The following RANBP2 variants were observed in gnomAD, a reference collection of about 807,000 sequenced individuals.
RANBP2 encodes the protein E3 SUMO-protein ligase RanBP2.
RANBP2 carries 57 observed loss-of-function variants against 303.6 expected under a neutral mutation model. The observed-to-expected ratio is 0.19, with a 90% confidence interval of 0.15 to 0.23. The LOEUF is 0.23. Ranked by LOEUF, RANBP2 falls within the 10% of genes least tolerant of loss-of-function variation. The pLI is 1.00. For missense variants in RANBP2, 3,138 were observed against 3,780.8 expected (o/e 0.83, Z 4.46); for synonymous variants, 1,167 against 1,301.5 (o/e 0.90, Z 2.23).
chr2:109,489,808 G>A, the RANBP2 span, among the ~76,000 whole-genome samples: 1 of 152,182 alleles, frequency 6.6e-6, no homozygotes, highest in African/African-American at 2.4e-5. Context: ...CGCAATCTCA[G>A]CTCACTGCAA....
At chr2:108,970,143 A>G in the RANBP2 span, among the ~76,000 whole-genome samples, 1 of 152,170 alleles carries the variant, frequency 6.6e-6, no homozygotes. Flanking sequence ...TGAGCTTTGC[A>G]CTGAGAGGGG....
the RANBP2 span, among the ~76,000 whole-genome samples, chr2:109,772,860 G>GT: frequency 7.0e-6 from 1 of 143,162 alleles, no homozygotes; most frequent in African/African-American, 2.7e-5. Context: ...GTAGAGAGCT[G>GT]TTGGGGGCAT....
the RANBP2 span, among the ~76,000 whole-genome samples, chr2:109,178,060 G>C: frequency 6.6e-6 from 1 of 152,072 alleles, no homozygotes; most frequent in South Asian, 2.1e-4. Flanking sequence ...TAAGGTATAA[G>C]CAAACAAACA....
At chr2:108,877,102 T>C in the RANBP2 span, among the ~76,000 whole-genome samples, 1 of 152,212 alleles carries the variant, frequency 6.6e-6, no homozygotes, top group Non-Finnish European at 1.5e-5. Flanking sequence ...AAATGTGCCA[T>C]TTTTGAAGTA....
chr2:109,375,881 T>C, the RANBP2 span, among the ~76,000 whole-genome samples: 1 of 152,214 alleles, frequency 6.6e-6, no homozygotes, highest in African/African-American at 2.4e-5. Flanking sequence ...TTCAGGGCGA[T>C]GCGGGCTTCA....
At chr2:109,697,894 CTG>C in the RANBP2 span, among the ~76,000 whole-genome samples, 1 of 143,454 alleles carries the variant, frequency 7.0e-6, no homozygotes, top group Admixed American at 7.1e-5. Flanking sequence ...GACTCTCACT[CTG>C]TCATCCGGGC....
chr2:108,726,438 GTTT>G (rs1302706279), intron 1 of RANBP2, among the ~76,000 whole-genome samples: 1 of 124,278 alleles, frequency 8.0e-6, no homozygotes, highest in African/African-American at 3.0e-5. Context: ...GAGTTTTTTT[GTTT>G]TTTTTTTTTT....
chr2:109,323,868 T>G, the RANBP2 span, among the ~76,000 whole-genome samples: 6,021 of 152,334 alleles, frequency 0.04, 135 homozygotes, highest in Non-Finnish European at 0.061. Flanking sequence ...AAGTAATTTG[T>G]AGTATAGTGA....
intron 8 of RANBP2, 129 bp downstream of exon 8, chr2:108,746,927 T>G (rs1558895917): frequency 2.5e-6 from 3 of 1,176,972 alleles, no homozygotes; most frequent in East Asian, 2.6e-5. Flanking sequence ...CCGTATCAGT[T>G]AAGAGCAATA....
At chr2:109,387,636 A>G in the RANBP2 span, among the ~76,000 whole-genome samples, 1 of 151,890 alleles carries the variant, frequency 6.6e-6, no homozygotes, top group East Asian at 1.9e-4. Context: ...CCCCTATTTA[A>G]CCTGCAGCCC....
chr2:109,733,101 G>A, the RANBP2 span: 1 of 541,660 alleles, frequency 1.8e-6, no homozygotes, highest in South Asian at 1.4e-5. Context: ...GTTAGGAGAA[G>A]AGAGAGATCG....
chr2:108,822,289 A>G, the RANBP2 span, among the ~76,000 whole-genome samples: 1 of 152,232 alleles, frequency 6.6e-6, no homozygotes, highest in African/African-American at 2.4e-5. Flanking sequence ...CTGAAACATC[A>G]GACTTCTAAA....
the RANBP2 span, among the ~76,000 whole-genome samples, chr2:109,655,921 T>G: frequency 1.3e-5 from 2 of 152,178 alleles, no homozygotes; most frequent in Non-Finnish European, 2.9e-5. Flanking sequence ...CAGCTTCACC[T>G]CCCTTTGCCT....
the RANBP2 span, among the ~76,000 whole-genome samples, chr2:108,904,905 T>G: frequency 6.6e-6 from 1 of 152,224 alleles, no homozygotes; most frequent in African/African-American, 2.4e-5. Context: ...TCAATATCAG[T>G]GTCCTGGTTG....
chr2:109,305,840 G>A, the RANBP2 span, among the ~76,000 whole-genome samples: 52 of 152,364 alleles, frequency 3.4e-4, 1 homozygote, highest in African/African-American at 1.2e-3. Context: ...CTGAGAAAGA[G>A]CAGGTGACAG....
the RANBP2 span, among the ~76,000 whole-genome samples, chr2:109,136,767 G>A: frequency 2.0e-5 from 3 of 152,236 alleles, no homozygotes; most frequent in African/African-American, 4.8e-5. Context: ...ATTTATGTGA[G>A]TTTAAATGAA....
At chr2:109,544,478 G>A in the RANBP2 span, 3 of 985,164 alleles carry the variant, frequency 3.0e-6, no homozygotes, top group Non-Finnish European at 3.6e-6. Flanking sequence ...TTTTCTTGAA[G>A]ATAAATTCTT....
intron 19 of RANBP2, 32 bp from the exon 20 acceptor site, chr2:108,763,205 T>C (rs1385549758): frequency 6.2e-7 from 1 of 1,608,170 alleles, no homozygotes; most frequent in Admixed American, 1.7e-5. Context: ...TTGTAGACAA[T>C]CTACAAAATG....
At chr2:109,511,171 C>G in the RANBP2 span, among the ~76,000 whole-genome samples, 15 of 152,322 alleles carry the variant, frequency 9.8e-5, no homozygotes, top group Middle Eastern at 0.01. Context: ...GGCCGCACTC[C>G]TAACTCCTCA....
Sources: gnomAD v4.1 joint callset for allele counts (sites outside exome capture counted in the v4.1 genomes callset) on GRCh38, gnomAD v4.1.1 for gene constraint, MANE v1.5 for transcripts, NCBI Gene and HGNC (gene_info 2026-07-23, HGNC 2026-07-21) for gene names.